Variants in CSMD1 observed in about 807,000 individuals in gnomAD.
CSMD1 encodes the protein CUB and Sushi multiple domains 1, also known as CUB and sushi domain-containing protein 1.
In CSMD1, 213 loss-of-function variants were observed where a neutral mutation model predicts 417.5. The observed-to-expected ratio is 0.51, with a 90% confidence interval of 0.46 to 0.57. CSMD1 has a LOEUF of 0.57. Ranked by LOEUF, CSMD1 falls within the 20% of genes least tolerant of loss-of-function variation. The probability of loss-of-function intolerance (pLI) is 0.00; values close to 1 mark genes in which losing one functional copy is unlikely to be tolerated. For missense variants in CSMD1, 6,923 were observed against 4,529.7 expected, an observed-to-expected ratio of 1.53 and a Z score of -15.17; for synonymous variants, 2,862 against 1,736.8, an observed-to-expected ratio of 1.65 and a Z score of -16.11.
intron 5 of CSMD1, among the ~76,000 whole-genome samples, chr8:3,960,572 T>A (rs1442796115): frequency 6.6e-6 from 1 of 152,142 alleles, no homozygotes; most frequent in Non-Finnish European, 1.5e-5. Context: ...GAGGATTTAA[T>A]TACTGATAAA....
chr8:3,345,380 G>T (rs181676281), intron 22 of CSMD1, among the ~76,000 whole-genome samples: 29 of 152,120 alleles, frequency 1.9e-4, no homozygotes, highest in African/African-American at 6.3e-4. Context: ...AATCAGCACT[G>T]GGTCCAACCA....
At chr8:3,462,675 T>C (rs1409066325) in intron 12 of CSMD1, among the ~76,000 whole-genome samples, 3 of 152,148 alleles carry the variant, frequency 2.0e-5, no homozygotes, top group Non-Finnish European at 2.9e-5. Flanking sequence ...ATTGTAATAA[T>C]AGAAATAAAG....
At chr8:3,426,412 C>G (rs1222241604) in intron 12 of CSMD1, among the ~76,000 whole-genome samples, 1 of 152,130 alleles carries the variant, frequency 6.6e-6, no homozygotes, top group Non-Finnish European at 1.5e-5. Flanking sequence ...ACTTCTCTAA[C>G]TTTGCTTTTT....
At chr8:4,332,547 TCACATACACACACACACACA>T (rs1438602516) in intron 3 of CSMD1, among the ~76,000 whole-genome samples, 71 of 111,534 alleles carry the variant, frequency 6.4e-4, no homozygotes, top group African/African-American at 2.2e-3. Flanking sequence ...TGTCATGATA[TCACATACACACACACACACA>T]CACACACACA....
At chr8:3,321,181 A>G (rs1268997142) in intron 23 of CSMD1, among the ~76,000 whole-genome samples, 2 of 152,018 alleles carry the variant, frequency 1.3e-5, no homozygotes, top group Non-Finnish European at 2.9e-5. Flanking sequence ...CTAAGCTTCC[A>G]GTGCTTAGTC....
intron 44 of CSMD1, among the ~76,000 whole-genome samples, chr8:3,108,180 G>A (rs1158869164): frequency 2.0e-5 from 3 of 152,186 alleles, no homozygotes; most frequent in East Asian, 1.9e-4. Context: ...GGCAGTGTTC[G>A]TGAGAGATAA....
At chr8:3,850,570 C>G (rs997439205) in intron 5 of CSMD1, among the ~76,000 whole-genome samples, 3 of 152,140 alleles carry the variant, frequency 2.0e-5, no homozygotes, top group African/African-American at 7.2e-5. Flanking sequence ...TGGCTCTCAC[C>G]TGTTTTCCCA....
At chr8:3,087,354 T>A (rs1180026055) in intron 48 of CSMD1, 69 bp from the exon 49 acceptor site, 1 of 1,481,848 alleles carries the variant, frequency 6.7e-7, no homozygotes, top group East Asian at 2.3e-5. Flanking sequence ...ATTGCCTTTG[T>A]GAGAGTCTAT....
intron 3 of CSMD1, among the ~76,000 whole-genome samples, chr8:4,111,123 G>C (rs543085037): frequency 1.1e-4 from 16 of 152,106 alleles, no homozygotes; most frequent in South Asian, 6.2e-4. Flanking sequence ...GTTTTGTTTT[G>C]CTCTGGTTTG....
At chr8:3,758,935 G>C (rs926515644) in intron 5 of CSMD1, among the ~76,000 whole-genome samples, 1 of 152,186 alleles carries the variant, frequency 6.6e-6, no homozygotes, top group African/African-American at 2.4e-5. Context: ...AGAGCCTGTG[G>C]ACAAAGGTCA....
chr8:3,108,981 C>G (rs1002303999), intron 43 of CSMD1, among the ~76,000 whole-genome samples: 3 of 152,164 alleles, frequency 2.0e-5, no homozygotes, highest in African/African-American at 7.2e-5. Context: ...AATGTCAACA[C>G]TCACCGGTGC....
chr8:3,211,906 G>C (rs917773647), intron 30 of CSMD1, among the ~76,000 whole-genome samples: 2 of 152,220 alleles, frequency 1.3e-5, no homozygotes, highest in Non-Finnish European at 1.5e-5. Flanking sequence ...ACCCAGGCTG[G>C]TGGCAAGACA....
At chr8:3,579,922 GGTGAAACCCT>G (rs1800311117) in intron 9 of CSMD1, among the ~76,000 whole-genome samples, 1 of 152,076 alleles carries the variant, frequency 6.6e-6, no homozygotes, top group Non-Finnish European at 1.5e-5. Context: ...TGGCCAACAT[GGTGAAACCCT>G]GTCTCTACGA....
chr8:4,355,154 C>T (rs971166245), intron 3 of CSMD1, among the ~76,000 whole-genome samples: 2 of 151,882 alleles, frequency 1.3e-5, no homozygotes, highest in African/African-American at 2.4e-5. Flanking sequence ...CCCAGCTACT[C>T]AGGAGGCTGA....
chr8:4,149,245 T>A (rs1257295678), intron 3 of CSMD1, among the ~76,000 whole-genome samples: 1 of 152,128 alleles, frequency 6.6e-6, no homozygotes, highest in African/African-American at 2.4e-5. Context: ...ATAACAGGCA[T>A]AAGCCACTAT....
chr8:3,031,341 C>T lies in CSMD1; in HGVS notation c.7661-1828G>A, dbSNP rs143156981. Among the ~76,000 whole-genome samples the T allele has an allele frequency of 7.7e-3, 1,169 of 151,242 alleles. 23 individuals carry two copies. The highest frequency in any genetic ancestry group is 0.027 in the African/African-American group (1,105 of 41,142). Reference sequence around the variant, plus strand: ...GGGTGGGGGGAGGGTGGAGGGCTAGCACTAGGAGATATACCTAATGCTAAA... The same window carrying T: ...GGGTGGGGGGAGGGTGGAGGGCTAGTACTAGGAGATATACCTAATGCTAAA... On this transcript the variant is annotated intron_variant, in intron 50 of 69. Coordinates refer to ENST00000635120, the MANE Select transcript of CSMD1 (RefSeq NM_033225.6).
intron 3 of CSMD1, among the ~76,000 whole-genome samples, chr8:4,117,951 G>GAAAAAAA (rs5889017): frequency 6.9e-6 from 1 of 145,176 alleles, no homozygotes; most frequent in African/African-American, 2.6e-5. Flanking sequence ...AAGTCAATAG[G>GAAAAAAA]AAAAAAAAAA....
chr8:3,883,975 T>G (rs972941101), intron 5 of CSMD1, among the ~76,000 whole-genome samples: 1 of 152,168 alleles, frequency 6.6e-6, no homozygotes, highest in Non-Finnish European at 1.5e-5. Context: ...GTGCACATAC[T>G]AAGATAAACA....
intron 17 of CSMD1, among the ~76,000 whole-genome samples, chr8:3,395,905 A>T (rs1394698244): frequency 1.3e-5 from 2 of 152,192 alleles, no homozygotes; most frequent in Non-Finnish European, 2.9e-5. Context: ...ATAGAAGTAT[A>T]TTATTACTTC....
Sources: gnomAD v4.1 joint callset for allele counts (sites outside exome capture counted in the v4.1 genomes callset) on GRCh38, gnomAD v4.1.1 for gene constraint, MANE v1.5 for transcripts, NCBI Gene and HGNC (gene_info 2026-07-23, HGNC 2026-07-21) for gene names.